DGKG: variants seen among roughly 807,000 people sequenced by gnomAD.
The protein encoded by DGKG is DAG kinase gamma.
Under a neutral mutation model 105.3 loss-of-function variants are expected in DGKG, and 78 were observed. That is an observed-to-expected ratio of 0.74 (90% CI 0.62 to 0.89). The LOEUF (loss-of-function observed/expected upper bound fraction) is 0.89, where lower values mean the gene tolerates loss of function less well. DGKG is among the 40% of genes least tolerant of loss of function. The probability of loss-of-function intolerance (pLI) is 0.00; values close to 1 mark genes in which losing one functional copy is unlikely to be tolerated. For missense variants in DGKG, 958 were observed against 1,020.1 expected (o/e 0.94, Z 0.83); for synonymous variants, 346 against 367.1 (o/e 0.94, Z 0.66).
At chr3:186,257,562 C>T (rs912115527) in intron 17 of DGKG, among the ~76,000 whole-genome samples, 1 of 152,210 alleles carries the variant, frequency 6.6e-6, no homozygotes, top group Non-Finnish European at 1.5e-5. Flanking sequence ...TCCCACCCCC[C>T]AAATCTGGCC....
chr3:186,351,387 A>G (rs1015088358), intron 1 of DGKG, among the ~76,000 whole-genome samples: 1 of 152,212 alleles, frequency 6.6e-6, no homozygotes, highest in Non-Finnish European at 1.5e-5. Context: ...TCCCTGCACC[A>G]TAATTACCCT....
At chr3:186,262,012 G>A (rs1335100859) in intron 14 of DGKG, 3 of 438,114 alleles carry the variant, frequency 6.8e-6, no homozygotes, top group African/African-American at 6.1e-5. Flanking sequence ...ATCAGCGATG[G>A]GACAATGATG....
At position 186,298,177 on chromosome 3, in the gene DGKG, T is replaced by A. The variant is rs771032072; in HGVS notation, c.197A>T (p.Asp66Val). The A allele has an allele frequency of 2.5e-6, 4 of 1,613,632 alleles. No individual in the cohort carries two copies. The highest frequency in any genetic ancestry group is 8.5e-7 in the Non-Finnish European group (1 of 1,179,840). ...KLFMRAYLEV[D>V]LPQPLSTHLF... ...GTGAGTGCTCAGTGGCTGGGGAAGG[T>A]CCACCTCCAGGTACGCCCTCATGAA... Residue 66 changes from aspartate to valine, a missense_variant, in exon 4 of 25, where the codon GAC (aspartate) becomes GTC (valine). Transcript: ENST00000265022.
intron 9 of DGKG, among the ~76,000 whole-genome samples, chr3:186,278,150 T>A (rs1722668862): frequency 6.6e-6 from 1 of 152,124 alleles, no homozygotes; most frequent in African/African-American, 2.4e-5. Flanking sequence ...CAGCGGGTCT[T>A]TTCCATGCAA....
At chr3:186,168,245 A>C (rs1716650452) in intron 22 of DGKG, among the ~76,000 whole-genome samples, 1 of 152,230 alleles carries the variant, frequency 6.6e-6, no homozygotes, top group African/African-American at 2.4e-5. Context: ...AGCTAGAGGA[A>C]GAGGGTCTCT....
chr3:186,170,072 G>A (rs1363460135), intron 22 of DGKG, among the ~76,000 whole-genome samples: 1 of 152,196 alleles, frequency 6.6e-6, no homozygotes, highest in East Asian at 1.9e-4. Flanking sequence ...GGATGTTGGA[G>A]GGTGGGATTA....
At chr3:186,243,862 T>TATTA (rs1720801619) in intron 19 of DGKG, among the ~76,000 whole-genome samples, 1 of 151,916 alleles carries the variant, frequency 6.6e-6, no homozygotes, top group African/African-American at 2.4e-5. Context: ...ATCAAATGCA[T>TATTA]ATTAATTCTA....
intron 1 of DGKG, among the ~76,000 whole-genome samples, chr3:186,338,525 G>A (rs1725938079): frequency 6.6e-6 from 1 of 152,110 alleles, no homozygotes; most frequent in East Asian, 1.9e-4. Flanking sequence ...AATATTTGTA[G>A]TGGTACAAAT....
intron 3 of DGKG, among the ~76,000 whole-genome samples, chr3:186,300,939 C>G (rs1222471883): frequency 1.3e-5 from 2 of 152,194 alleles, no homozygotes; most frequent in Non-Finnish European, 2.9e-5. Flanking sequence ...ATTTCAAGTT[C>G]TAAACTTCAA....
At chr3:186,274,240 T>C (rs1464203039) in intron 10 of DGKG, among the ~76,000 whole-genome samples, 2 of 152,306 alleles carry the variant, frequency 1.3e-5, no homozygotes, top group Middle Eastern at 3.4e-3. Flanking sequence ...CAAGCTGGAG[T>C]GCAGTGGTGC....
chr3:186,345,110 A>T (rs1383320919), intron 1 of DGKG, among the ~76,000 whole-genome samples: 1 of 152,108 alleles, frequency 6.6e-6, no homozygotes, highest in Non-Finnish European at 1.5e-5. Context: ...TTATATCTTC[A>T]CTGTGAATTT....
chr3:186,180,651 C>A (rs1717317072), intron 22 of DGKG, among the ~76,000 whole-genome samples: 1 of 152,150 alleles, frequency 6.6e-6, no homozygotes, highest in African/African-American at 2.4e-5. Context: ...AATCTACAGA[C>A]CTGGACAGCT....
At chr3:186,232,826 C>T (rs939172749) in intron 20 of DGKG, among the ~76,000 whole-genome samples, 2 of 152,146 alleles carry the variant, frequency 1.3e-5, no homozygotes, top group African/African-American at 2.4e-5. Context: ...AGATGTTTAT[C>T]TGCCTATATT....
At chr3:186,201,588 C>G (rs949123087) in intron 21 of DGKG, among the ~76,000 whole-genome samples, 3 of 152,200 alleles carry the variant, frequency 2.0e-5, no homozygotes, top group African/African-American at 7.2e-5. Context: ...CGTGGGAGGC[C>G]TTCTCACTCA....
At chr3:186,267,617 G>T in intron 13 of DGKG, 68 bp downstream of exon 13, 1 of 1,260,738 alleles carries the variant, frequency 7.9e-7, no homozygotes, top group Non-Finnish European at 1.2e-6. Context: ...GTGAATGTCT[G>T]AAAGCTGCCT....
chr3:186,269,706 G>A (rs1310560423), intron 11 of DGKG, among the ~76,000 whole-genome samples: 1 of 152,184 alleles, frequency 6.6e-6, no homozygotes, highest in African/African-American at 2.4e-5. Context: ...ACTCTAGAAG[G>A]AAGTTAGAGA....
At chr3:186,169,588 T>C (rs1716723490) in intron 22 of DGKG, among the ~76,000 whole-genome samples, 2 of 152,212 alleles carry the variant, frequency 1.3e-5, no homozygotes, top group Admixed American at 1.3e-4. Flanking sequence ...GCCGCAGACA[T>C]ACACAACATG....
intron 21 of DGKG, among the ~76,000 whole-genome samples, chr3:186,208,963 C>T (rs1346497974): frequency 2.0e-5 from 3 of 152,164 alleles, no homozygotes; most frequent in East Asian, 1.9e-4. Context: ...ACCTAAGCCT[C>T]ATTTTTAAAA....
chr3:186,211,055 G>A (rs1719014655), intron 21 of DGKG, among the ~76,000 whole-genome samples: 1 of 152,228 alleles, frequency 6.6e-6, no homozygotes, highest in Admixed American at 6.5e-5. Context: ...AACCAGGGGA[G>A]GGGAGCCAGC....
Sources: allele counts gnomAD v4.1 joint callset (sites outside exome capture counted in the v4.1 genomes callset), GRCh38; gene constraint gnomAD v4.1.1; transcripts MANE v1.5; gene names NCBI Gene and HGNC (gene_info 2026-07-23, HGNC 2026-07-21).